The following PTPRA variants were observed in gnomAD, a reference collection of about 807,000 sequenced individuals.
PTPRA encodes the protein protein tyrosine phosphatase receptor type A.
Under a neutral mutation model 104.8 loss-of-function variants are expected in PTPRA, and 25 were observed. The ratio of observed to expected loss-of-function variants is 0.24; its 90% CI spans 0.17 to 0.33. The LOEUF is 0.33. Ranked by LOEUF, PTPRA falls within the 10% of genes least tolerant of loss-of-function variation. The probability of loss-of-function intolerance (pLI) is 1.00; values close to 1 mark genes in which losing one functional copy is unlikely to be tolerated. For synonymous variants in PTPRA, 323 were observed against 368.9 expected (o/e 0.88, Z 1.43); for missense variants, 765 against 1,015.3 (o/e 0.75, Z 3.35).
intron 2 of PTPRA, among the ~76,000 whole-genome samples, chr20:2,923,486 T>C (rs903791974): frequency 1.1e-4 from 16 of 147,506 alleles, no homozygotes; most frequent in Non-Finnish European, 2.0e-4. Flanking sequence ...CTTGAAGAGC[T>C]TTTTTTTTTT....
chr20:2,931,815 T>TC (rs1419207562), intron 2 of PTPRA, among the ~76,000 whole-genome samples: 3 of 151,936 alleles, frequency 2.0e-5, no homozygotes, highest in Admixed American at 6.6e-5. Flanking sequence ...CACTGCAGCC[T>TC]CAAACGAACC....
At chr20:2,892,289 CAAAAAAAAAA>C (rs34741114) in intron 1 of PTPRA, among the ~76,000 whole-genome samples, 3 of 80,572 alleles carry the variant, frequency 3.7e-5, no homozygotes, top group Admixed American at 2.8e-4. Flanking sequence ...GACTCTGTCT[CAAAAAAAAAA>C]AAAAAAAAAA....
chr20:2,945,789 C>T lies in PTPRA; in HGVS notation c.-49-2193C>T, dbSNP rs548044714. On this transcript the variant is annotated intron_variant, in intron 2 of 23. Transcript: ENST00000399903. ...TCTGAAAATACAAAAATTAGCCAGA[C>T]GTGGTGGCAGGTGCCTGTAATCCCA... Among the ~76,000 whole-genome samples the T allele has an allele frequency of 6.6e-5, 10 of 151,750 alleles. 1 individual carries two copies. Among genetic ancestry groups the T allele is most frequent in the South Asian group, 4.2e-4 (2 of 4,782 alleles).
At chr20:3,005,637 C>A (rs1347609433) in intron 10 of PTPRA, among the ~76,000 whole-genome samples, 1 of 151,838 alleles carries the variant, frequency 6.6e-6, no homozygotes, top group Non-Finnish European at 1.5e-5. Flanking sequence ...GCTGAAAGAG[C>A]CTTTATGGAT....
intron 1 of PTPRA, among the ~76,000 whole-genome samples, chr20:2,881,637 T>G (rs1044601138): frequency 2.4e-4 from 37 of 152,264 alleles, no homozygotes; most frequent in African/African-American, 7.9e-4. Context: ...CACCTTGGCC[T>G]TCCAAAGCTC....
rs1219938415 is a variant in PTPRA, at chr20:3,021,448, T to G, written c.1161+20T>G. 9.9e-6 allele frequency: 16 copies of G among 1,613,318 alleles called. No individual in the cohort carries two copies. Among genetic ancestry groups the G allele is most frequent in the Non-Finnish European group, 1.4e-5 (16 of 1,179,454 alleles). ...CAGCAGGTAGTGTCTCCTCTGTCCT[T>G]TCTCAGTTCTTATGTTGGATCTGCT... is the stretch of plus-strand genomic sequence containing the variant. On this transcript the variant is annotated intron_variant, in intron 14 of 23. Transcript: ENST00000399903.
intron 20 of PTPRA, among the ~76,000 whole-genome samples, chr20:3,033,887 T>G (rs1600291700): frequency 6.0e-5 from 6 of 100,678 alleles, no homozygotes; most frequent in South Asian, 3.5e-4. Flanking sequence ...GCAATAAGAG[T>G]GAAGCTCCAT....
At position 3,037,196 on chromosome 20, in the gene PTPRA, C is replaced by T. The variant is rs1169768461; in HGVS notation, c.2241C>T (p.Thr747=). 3.1e-6 allele frequency: 5 copies of T among 1,614,058 alleles called. No individual in the cohort carries two copies. Among genetic ancestry groups the T allele is most frequent in the South Asian group, 2.2e-5 (2 of 91,094 alleles). The change falls in exon 23 of 24, where the codon ACC becomes ACT. Residue 747 remains threonine, a synonymous_variant. Coordinates refer to ENST00000399903, the MANE Select transcript of PTPRA (RefSeq NM_001385305.1). This position sits in a 1 kb window ranked among gnomAD's most constrained non-coding sequence, Gnocchi z 4.3. ...GRTGTFCALS[T]VLERVKAEGI... ...CGGGGACCTTCTGTGCCCTGAGCAC[C>T]GTCCTGGAGCGTGTGAAAGCAGAGG...
intron 9 of PTPRA, among the ~76,000 whole-genome samples, chr20:2,995,913 A>G (rs2063376520): frequency 6.6e-6 from 1 of 152,156 alleles, no homozygotes; most frequent in Non-Finnish European, 1.5e-5. Context: ...ACCAGCTTGA[A>G]CACATCACAG....
chr20:3,032,760 A>G (rs927743952), intron 20 of PTPRA, among the ~76,000 whole-genome samples: 2 of 147,534 alleles, frequency 1.4e-5, no homozygotes, highest in East Asian at 2.0e-4. Context: ...GTGAGACTCC[A>G]TCTCAAAAAA....
intron 2 of PTPRA, among the ~76,000 whole-genome samples, chr20:2,929,668 T>C (rs547564410): frequency 1.4e-4 from 22 of 151,918 alleles, no homozygotes; most frequent in Non-Finnish European, 2.8e-4. Context: ...CTACAAAAAA[T>C]GCACAAATTA....
chr20:2,909,930 A>C (rs2059582853), intron 1 of PTPRA, among the ~76,000 whole-genome samples: 1 of 126,178 alleles, frequency 7.9e-6, no homozygotes, highest in Non-Finnish European at 1.5e-5. Context: ...ATATTGTTAT[A>C]TATAATATGT....
At chr20:2,982,774 A>G (rs952081396) in intron 6 of PTPRA, among the ~76,000 whole-genome samples, 1 of 151,274 alleles carries the variant, frequency 6.6e-6, no homozygotes, top group Non-Finnish European at 1.5e-5. Context: ...TCGGCTCACT[A>G]CAACCTCTGC....
chr20:2,883,670 A>AG (rs2090198149), intron 1 of PTPRA, among the ~76,000 whole-genome samples: 1 of 22,706 alleles, frequency 4.4e-5, no homozygotes, highest in Admixed American at 6.7e-4. Flanking sequence ...AAAAAAAAAA[A>AG]AAAAAAAAGA....
At chr20:2,972,600 T>C (rs1391724474) in intron 5 of PTPRA, among the ~76,000 whole-genome samples, 2 of 152,266 alleles carry the variant, frequency 1.3e-5, no homozygotes, top group East Asian at 3.8e-4. Context: ...ATTCTCAAAT[T>C]ATCTCTAAAT....
At chr20:2,963,610 G>A (rs753387181) in intron 3 of PTPRA, among the ~76,000 whole-genome samples, 7 of 151,904 alleles carry the variant, frequency 4.6e-5, no homozygotes, top group Non-Finnish European at 8.8e-5. Flanking sequence ...AAATAAAAAA[G>A]GAGTCCTATT....
At chr20:2,935,692 A>G (rs1356885345) in intron 2 of PTPRA, among the ~76,000 whole-genome samples, 3 of 152,218 alleles carry the variant, frequency 2.0e-5, no homozygotes, top group African/African-American at 7.2e-5. Context: ...CTACAGGCAC[A>G]TGCCACTATA....
At chr20:2,924,539 T>C (rs1568655663) in intron 2 of PTPRA, among the ~76,000 whole-genome samples, 1 of 152,060 alleles carries the variant, frequency 6.6e-6, no homozygotes, top group East Asian at 1.9e-4. Context: ...AGAAACCAGA[T>C]GGACAAGAAA....
chr20:2,999,657 G>A (rs535099338), intron 9 of PTPRA, among the ~76,000 whole-genome samples: 2 of 152,166 alleles, frequency 1.3e-5, no homozygotes, highest in Admixed American at 1.3e-4. Context: ...TAACCCTGTG[G>A]GAATAAATGA....
Sources: gnomAD v4.1 joint callset for allele counts (sites outside exome capture counted in the v4.1 genomes callset) on GRCh38, gnomAD v4.1.1 for gene constraint, Gnocchi (gnomAD v3.1) non-coding constraint, MANE v1.5 for transcripts, NCBI Gene and HGNC (gene_info 2026-07-23, HGNC 2026-07-21) for gene names.